Variants in PAK4 observed in about 807,000 individuals in gnomAD.
The protein encoded by PAK4 is serine/threonine-protein kinase PAK 4.
A neutral mutation model predicts 53.5 loss-of-function variants in PAK4; 49 were observed. That is an observed-to-expected ratio of 0.92 (90% CI 0.73 to 1.16). PAK4 has a LOEUF of 1.16. Among genes scored for constraint, PAK4 ranks in the 50% most tolerant of loss-of-function variants. PAK4 has a pLI of 0.00. For synonymous variants in PAK4, 376 were observed against 375.6 expected (o/e 1.00, Z -0.01); for missense variants, 824 against 850.7 (o/e 0.97, Z 0.39).
chr19:39,144,093 C>G (rs1468356254), intron 1 of PAK4, among the ~76,000 whole-genome samples: 1 of 140,396 alleles, frequency 7.1e-6, no homozygotes, highest in Non-Finnish European at 1.6e-5. Flanking sequence ...GACCCTATCT[C>G]AGGTAGATAG....
intron 2 of PAK4, among the ~76,000 whole-genome samples, chr19:39,171,923 C>T (rs909043427): frequency 1.3e-5 from 2 of 152,192 alleles, no homozygotes; most frequent in Non-Finnish European, 2.9e-5. Flanking sequence ...GGAGCAGGAC[C>T]CGAAGCAGAC....
At position 39,173,213 on chromosome 19, in the gene PAK4, CAG is replaced by C. The variant is rs1555780245; in HGVS notation, c.501_502del (p.Gly169SerfsTer15). 7 of 1,556,828 alleles carry C rather than the reference CAG, an allele frequency of 4.5e-6. No homozygotes were observed. The highest frequency in any genetic ancestry group is 5.2e-6 in the Non-Finnish European group (6 of 1,150,412). ...AGGCCCAAGTCTTCCAGGGAGGGCT[CAG>C]GGGGTCCCCAGGAGTCCTCCCGGGA... On this transcript the variant is annotated frameshift_variant, in exon 3 of 9. Coordinates refer to ENST00000358301, the Ensembl canonical transcript of PAK4. LOFTEE classifies it high-confidence loss of function. The surrounding 1 kb of genome is among the most constrained non-coding windows in gnomAD (Gnocchi z 6.9).
chr19:39,178,341 C>T lies in PAK4; in HGVS notation c.1621-83C>T. The T allele has an allele frequency of 6.8e-7, 1 of 1,469,596 alleles. No homozygotes were observed. Among genetic ancestry groups the T allele is most frequent in the Non-Finnish European group, 9.2e-7 (1 of 1,086,664 alleles). The allele number at this position is 1,469,596 out of a possible 1,614,324, so 91.0% of individuals were successfully genotyped here. A position where few individuals can be genotyped will look rare whatever the true frequency, so the allele number is the denominator to read the frequency against. On this transcript the variant is annotated intron_variant, in intron 8 of 8. Coordinates refer to ENST00000358301, the Ensembl canonical transcript of PAK4. This position sits in a 1 kb window ranked among gnomAD's most constrained non-coding sequence, Gnocchi z 4.4. ...CTGCACAGTACATGCCGCCAGCCGA[C>T]TTGGCAGAGGCGGACACTGCAGCCC...
At chr19:39,163,493 C>T (rs1292838363) in intron 1 of PAK4, among the ~76,000 whole-genome samples, 1 of 151,792 alleles carries the variant, frequency 6.6e-6, no homozygotes, top group Non-Finnish European at 1.5e-5. Context: ...GGCCAGTTAA[C>T]CTTGTGGGGG....
chr19:39,169,600 A>G (rs1225560068), exon 2 of PAK4: 5 of 1,611,118 alleles, frequency 3.1e-6, no homozygotes, highest in South Asian at 1.1e-5. Flanking sequence ...GCGCCGTCCA[A>G]CTTCGAGCAC....
chr19:39,136,576 C>G (rs2073819339), intron 1 of PAK4: 1 of 152,282 alleles, frequency 6.6e-6, no homozygotes, highest in Non-Finnish European at 1.5e-5. Context: ...CTAGCACCTT[C>G]CCCCGGTAAC....
chr19:39,163,049 C>T (rs565963018), intron 1 of PAK4, among the ~76,000 whole-genome samples: 8 of 152,168 alleles, frequency 5.3e-5, no homozygotes, highest in South Asian at 2.1e-4. Context: ...CTCAGGACAG[C>T]GAGGAGCCTG....
At position 39,178,689 on chromosome 19, in the gene PAK4, G is replaced by A. The variant is rs1347789084; in HGVS notation, c.*110G>A. The A allele has an allele frequency of 8.3e-6, 8 of 965,932 alleles. No homozygotes were observed. The highest frequency in any genetic ancestry group is 3.4e-5 in the South Asian group (2 of 58,916). The allele number at this position is 965,932 out of a possible 1,614,324, so 59.8% of individuals were successfully genotyped here. A position where few individuals can be genotyped will look rare whatever the true frequency, so the allele number is the denominator to read the frequency against. On this transcript the variant is annotated 3_prime_UTR_variant, in exon 9 of 9. Coordinates refer to ENST00000358301, the Ensembl canonical transcript of PAK4. The surrounding 1 kb of genome is among the most constrained non-coding windows in gnomAD (Gnocchi z 4.4). The stretch of plus-strand genomic sequence containing the variant: ...CCTCCCAGCCCGGGAGATGCTCCGC[G>A]TGGCACCACCCTCCTTGCTGGGGGT...
rs2073991746 is a variant in PAK4, at chr19:39,145,919, T to TAGATAG, written c.-23+20000_-23+20001insAGATAG. Among the ~76,000 whole-genome samples, 5 of 152,090 alleles carry TAGATAG rather than the reference T, an allele frequency of 3.3e-5. No homozygotes were observed. The South Asian group carries it at 1.0e-3, about 32-fold the overall frequency. ...AGCTGACCTGGGATTGCCACCCAGC[T>TAGATAG]CCGCCACCTTCTAGCTGGACGGCCC... On this transcript the variant is annotated intron_variant, in intron 1 of 8. Transcript: ENST00000358301.
chr19:39,147,600 A>G (rs2074021934), intron 1 of PAK4, among the ~76,000 whole-genome samples: 1 of 152,158 alleles, frequency 6.6e-6, no homozygotes, highest in Admixed American at 6.5e-5. Context: ...GTACCATGTT[A>G]TATTATCACC....
At chr19:39,150,332 T>C (rs2074073271) in intron 1 of PAK4, among the ~76,000 whole-genome samples, 1 of 152,130 alleles carries the variant, frequency 6.6e-6, no homozygotes, top group Non-Finnish European at 1.5e-5. Flanking sequence ...CCTCTAGGGT[T>C]CCGCGTGTAG....
intron 1 of PAK4, among the ~76,000 whole-genome samples, chr19:39,160,630 A>C (rs115599785): frequency 0.014 from 2,194 of 152,330 alleles, 51 homozygotes; most frequent in African/African-American, 0.05. Context: ...AGTCCAAGAC[A>C]TACACGGAGG....
chr19:39,174,397 C>T (rs2062726873), intron 4 of PAK4, among the ~76,000 whole-genome samples: 2 of 151,768 alleles, frequency 1.3e-5, no homozygotes, highest in Admixed American at 6.6e-5. Context: ...GCACAGCCCA[C>T]ACAACCACCA....
intron 1 of PAK4, among the ~76,000 whole-genome samples, chr19:39,132,547 C>A (rs1232326192): frequency 6.6e-6 from 1 of 152,258 alleles, no homozygotes; most frequent in Non-Finnish European, 1.5e-5. Flanking sequence ...ACACGCGTGC[C>A]CCCACGGACA....
intron 6 of PAK4, chr19:39,176,381 G>A: frequency 4.7e-6 from 3 of 640,894 alleles, no homozygotes; most frequent in Non-Finnish European, 8.3e-6. Flanking sequence ...GGGGATCGTG[G>A]GGGAGGTGAC....
exon 5 of PAK4, chr19:39,174,993 G>A (rs768752423): frequency 1.2e-6 from 2 of 1,613,942 alleles, no homozygotes; most frequent in Non-Finnish European, 1.7e-6. Context: ...GCTACCTGGT[G>A]GGGGACGAGC....
At chr19:39,128,740 G>A (rs2073640841) in intron 1 of PAK4, among the ~76,000 whole-genome samples, 1 of 152,156 alleles carries the variant, frequency 6.6e-6, no homozygotes. Flanking sequence ...TCCCTTCCAG[G>A]GGCAGCCTCT....
chr19:39,142,382 ATTAC>A (rs1339782045), intron 1 of PAK4, among the ~76,000 whole-genome samples: 1 of 152,216 alleles, frequency 6.6e-6, no homozygotes, highest in African/African-American at 2.4e-5. Context: ...GAGCATCAGA[ATTAC>A]TTACATGTCT....
chr19:39,178,430 C>G lies in PAK4; in HGVS notation c.1627C>G (p.Pro543Ala), dbSNP rs2074654209. Residue 543 changes from proline (P) to alanine (A), a missense_variant, in exon 9 of 9, where the codon CCA becomes GCA. By Grantham distance (27) the Pro-to-Ala change is conservative (BLOSUM62 -1). Transcript: ENST00000358301. The surrounding 1 kb of genome is among the most constrained non-coding windows in gnomAD (Gnocchi z 4.4). The stretch of plus-strand genomic sequence containing the variant: ...CTCCCCTCCTTCTCGACAGGTGTCG[C>G]CATCCCTGAAGGGCTTCCTGGACCG... The G allele has an allele frequency of 6.3e-7, 1 of 1,587,062 alleles. No homozygotes were observed. Among genetic ancestry groups the G allele is most frequent in the Admixed American group, 1.8e-5 (1 of 56,198 alleles).
Sources: gnomAD v4.1 joint callset for allele counts (sites outside exome capture counted in the v4.1 genomes callset) on GRCh38, gnomAD v4.1.1 for gene constraint, Gnocchi (gnomAD v3.1) non-coding constraint, MANE v1.5 for transcripts, NCBI Gene and HGNC (gene_info 2026-07-23, HGNC 2026-07-21) for gene names.